STK32B: variants seen among roughly 807,000 people sequenced by gnomAD.
STK32B encodes the protein serine/threonine kinase 32B, also known as serine/threonine-protein kinase 32B.
A neutral mutation model predicts 52.6 loss-of-function variants in STK32B; 43 were observed. The observed-to-expected ratio is 0.82, with a 90% CI of 0.64 to 1.05. STK32B has a LOEUF of 1.05. STK32B is among the 50% of genes least tolerant of loss of function. The pLI is 0.00. For synonymous variants in STK32B, 238 were observed against 204.3 expected (o/e 1.17, Z -1.41); for missense variants, 621 against 534.6 (o/e 1.16, Z -1.59).
At chr4:5,359,402 T>G (rs1433694860) in intron 4 of STK32B, among the ~76,000 whole-genome samples, 1 of 118,670 alleles carries the variant, frequency 8.4e-6, no homozygotes, top group Non-Finnish European at 1.9e-5. Context: ...CCTCCCTCCC[T>G]CCCTCCCTCC....
In STK32B at chr4:5,251,495, T is replaced by C. The variant is rs1185447125; in HGVS notation, c.261-79725T>C. Among the ~76,000 whole-genome samples, 10 of 152,200 alleles carry C rather than the reference T, an allele frequency of 6.6e-5. No individual in the cohort carries two copies. The East Asian group carries it at 1.9e-3, about 29-fold the overall frequency. ...TGTTTACTGTAGCCCTTTAGTATAG[T>C]TTGAAGTCAGGTAAGCATGAAGCCT... On this transcript the variant is annotated intron_variant, in intron 3 of 11. Transcript: ENST00000282908.
At chr4:5,410,796 A>T (rs914772918) in intron 5 of STK32B, among the ~76,000 whole-genome samples, 2 of 152,236 alleles carry the variant, frequency 1.3e-5, no homozygotes, top group Non-Finnish European at 2.9e-5. Flanking sequence ...GACTGCTCAA[A>T]GGTCTCTTTC....
rs1008538649 is a variant in STK32B at position 5,331,394 on chromosome 4, G to T, written c.434+1G>T. 5.0e-6 allele frequency: 8 copies of T among 1,606,978 alleles called. No homozygotes were observed. The highest frequency in any genetic ancestry group is 1.7e-5 in the Admixed American group (1 of 59,536). The stretch of plus-strand genomic sequence containing the variant: ...TTCAGAGGTACCACATCATCCACAG[G>T]TAACTGGGCTGCTGGCGGGATGCCT... On this transcript the variant is annotated splice_donor_variant, in intron 4 of 11. Transcript: ENST00000282908. LOFTEE classifies it high-confidence loss of function.
At chr4:5,139,580 TAC>T in intron 1 of STK32B, 1 of 310,052 alleles carries the variant, frequency 3.2e-6, no homozygotes, top group South Asian at 6.2e-5. Flanking sequence ...GGCAAGGCCG[TAC>T]ATTGTTGACC....
intron 3 of STK32B, among the ~76,000 whole-genome samples, chr4:5,234,472 C>G (rs1724491308): frequency 6.6e-6 from 1 of 151,860 alleles, no homozygotes; most frequent in African/African-American, 2.4e-5. Flanking sequence ...GGTCACTGCT[C>G]TATTTCCTAG....
intron 2 of STK32B, among the ~76,000 whole-genome samples, chr4:5,142,497 A>G (rs1716552588): frequency 6.6e-6 from 1 of 152,232 alleles, no homozygotes; most frequent in South Asian, 2.1e-4. Flanking sequence ...TTGCCTTTTC[A>G]GAATCTCATT....
intron 3 of STK32B, among the ~76,000 whole-genome samples, chr4:5,240,675 G>A (rs1724962430): frequency 6.6e-6 from 1 of 152,098 alleles, no homozygotes; most frequent in Admixed American, 6.6e-5. Context: ...GGCCAGGCTG[G>A]TTTTGAACTC....
chr4:5,296,193 A>AT (rs1729186426), intron 3 of STK32B, among the ~76,000 whole-genome samples: 1 of 152,120 alleles, frequency 6.6e-6, no homozygotes, highest in Non-Finnish European at 1.5e-5. Flanking sequence ...TATGTGGTCA[A>AT]TTTTAGAATA....
At chr4:5,315,320 T>C (rs888366510) in intron 3 of STK32B, among the ~76,000 whole-genome samples, 7 of 152,084 alleles carry the variant, frequency 4.6e-5, no homozygotes, top group African/African-American at 1.7e-4. Context: ...AAAATAGTGA[T>C]AACATCAAGT....
the STK32B span, among the ~76,000 whole-genome samples, chr4:5,034,454 T>C: frequency 6.6e-6 from 1 of 152,104 alleles, no homozygotes; most frequent in Admixed American, 6.5e-5. Flanking sequence ...TGCGCTCCCC[T>C]CCCTACAAAT....
chr4:5,078,447 C>T (rs1373901128), intron 1 of STK32B, among the ~76,000 whole-genome samples: 2 of 152,110 alleles, frequency 1.3e-5, no homozygotes, highest in African/African-American at 4.8e-5. Context: ...GCTAAAAATT[C>T]AAGTAAAATG....
intron 3 of STK32B, among the ~76,000 whole-genome samples, chr4:5,225,402 G>A (rs1204227843): frequency 2.0e-5 from 3 of 151,886 alleles, no homozygotes; most frequent in Admixed American, 1.3e-4. Context: ...GTAAGACTCC[G>A]TCTCGAAAAA....
At chr4:5,179,294 A>G (rs1720170767) in intron 3 of STK32B, among the ~76,000 whole-genome samples, 1 of 152,188 alleles carries the variant, frequency 6.6e-6, no homozygotes, top group Admixed American at 6.5e-5. Flanking sequence ...ATTCAAATAC[A>G]TCCCACTGGG....
At chr4:5,207,688 CT>C (rs1436061267) in intron 3 of STK32B, among the ~76,000 whole-genome samples, 1 of 151,546 alleles carries the variant, frequency 6.6e-6, no homozygotes, top group Non-Finnish European at 1.5e-5. Context: ...GTCTCAGACA[CT>C]TTCTTAATGC....
intron 11 of STK32B, among the ~76,000 whole-genome samples, chr4:5,476,491 A>G (rs938211748): frequency 6.6e-6 from 1 of 152,190 alleles, no homozygotes; most frequent in Non-Finnish European, 1.5e-5. Context: ...AGGGGCAACT[A>G]GTAACTTCTC....
intron 3 of STK32B, among the ~76,000 whole-genome samples, chr4:5,301,829 G>C (rs185295364): frequency 1.5e-5 from 2 of 131,294 alleles, no homozygotes. Context: ...TCCTTCGTTT[G>C]GGTTTAGTTT....
intron 2 of STK32B, among the ~76,000 whole-genome samples, chr4:5,159,566 AATATATATGAATAT>A (rs1560185754): frequency 1.4e-5 from 1 of 69,180 alleles, no homozygotes; most frequent in Admixed American, 1.7e-4. Context: ...TATATGAATG[AATATATATGAATAT>A]ATATATGAAT....
intron 1 of STK32B, among the ~76,000 whole-genome samples, chr4:5,053,145 G>T (rs954426987): frequency 6.6e-6 from 1 of 152,192 alleles, no homozygotes; most frequent in African/African-American, 2.4e-5. Flanking sequence ...CACAGTCAAG[G>T]TTAAGTGAGC....
At chr4:5,301,746 C>T (rs72613199) in intron 3 of STK32B, among the ~76,000 whole-genome samples, 17,455 of 124,204 alleles carry the variant, frequency 0.14, 2,356 homozygotes, top group African/African-American at 0.36. Flanking sequence ...GTTCCATTAG[C>T]TTTTTTTTTT....
Sources: allele counts gnomAD v4.1 joint callset (sites outside exome capture counted in the v4.1 genomes callset), GRCh38; gene constraint gnomAD v4.1.1; transcripts MANE v1.5; gene names NCBI Gene and HGNC (gene_info 2026-07-23, HGNC 2026-07-21).